Variants in FAM114A1 observed in about 807,000 individuals in gnomAD.
FAM114A1 encodes the protein family with sequence similarity 114 member A1, also known as protein NOXP20.
FAM114A1 carries 62 observed loss-of-function variants against 64.3 expected under a neutral mutation model. That is an observed-to-expected ratio of 0.96 (90% CI 0.79 to 1.19). FAM114A1 has a LOEUF of 1.19. Ranked by LOEUF, FAM114A1 falls within the 50% of genes most tolerant of loss-of-function variation. FAM114A1 has a pLI of 0.00. For synonymous variants in FAM114A1, 254 were observed against 251.1 expected (o/e 1.01, Z -0.11); for missense variants, 645 against 676.3 (o/e 0.95, Z 0.51).
chr4:38,870,146 C>T (rs1713891400), intron 2 of FAM114A1, among the ~76,000 whole-genome samples: 1 of 152,178 alleles, frequency 6.6e-6, no homozygotes, highest in Non-Finnish European at 1.5e-5. Context: ...CAACTCTTTC[C>T]ACCTCAGAAT....
chr4:38,943,857 G>C lies in FAM114A1; in HGVS notation c.*300G>C. On this transcript the variant is annotated 3_prime_UTR_variant, in exon 15 of 15. Coordinates refer to ENST00000358869, the MANE Select transcript of FAM114A1 (RefSeq NM_138389.4). ...ACAAATATTCGTGTTCATTTTCCTGGTTAAGCATGCTATATTTAGAAACTC... is the reference window on the plus strand; with the variant it reads ...ACAAATATTCGTGTTCATTTTCCTGCTTAAGCATGCTATATTTAGAAACTC... 4.0e-6 allele frequency: 1 copy of C among 251,756 alleles called. No individual in the cohort carries two copies. The highest frequency in any genetic ancestry group is 6.5e-5 in the South Asian group (1 of 15,482). 15.6% of individuals were successfully genotyped at this position (251,756 alleles called of 1,614,324 possible).
intron 9 of FAM114A1, among the ~76,000 whole-genome samples, chr4:38,924,797 TA>T (rs1719954205): frequency 6.6e-6 from 1 of 152,152 alleles, no homozygotes; most frequent in Non-Finnish European, 1.5e-5. Context: ...CAGGATGAAC[TA>T]ATAGATGCCC....
chr4:38,927,826 G>A (rs28687368), intron 9 of FAM114A1, among the ~76,000 whole-genome samples: 2,944 of 152,256 alleles, frequency 0.019, 90 homozygotes, highest in African/African-American at 0.068. Context: ...TGGGATTACA[G>A]GCGCCCGCCT....
chr4:38,887,404 A>G (rs534606377), intron 3 of FAM114A1, among the ~76,000 whole-genome samples: 2 of 152,354 alleles, frequency 1.3e-5, no homozygotes, highest in East Asian at 1.9e-4. Context: ...AACTGCATTT[A>G]TAATATATTC....
intron 7 of FAM114A1, among the ~76,000 whole-genome samples, chr4:38,912,708 A>G (rs1051027684): frequency 6.6e-6 from 1 of 152,120 alleles, no homozygotes; most frequent in African/African-American, 2.4e-5. Flanking sequence ...GTGAGTCCAC[A>G]TCTTTCCAGA....
At chr4:38,906,149 C>G (rs971572506) in intron 6 of FAM114A1, among the ~76,000 whole-genome samples, 3 of 152,158 alleles carry the variant, frequency 2.0e-5, no homozygotes, top group African/African-American at 7.2e-5. Flanking sequence ...CAAGGACAGC[C>G]TCTGGTTGAG....
chr4:38,890,607 C>A (rs952164711), intron 3 of FAM114A1, among the ~76,000 whole-genome samples: 7 of 152,012 alleles, frequency 4.6e-5, no homozygotes, highest in Non-Finnish European at 1.0e-4. Context: ...ATACAGGTAA[C>A]TCATAGAATA....
chr4:38,887,540 A>C (rs866420489), intron 3 of FAM114A1, among the ~76,000 whole-genome samples: 5 of 152,240 alleles, frequency 3.3e-5, no homozygotes, highest in Admixed American at 6.5e-5. Context: ...ATGTGCGGAA[A>C]CTTGGGATGA....
At chr4:38,892,404 A>G (rs1010109423) in intron 4 of FAM114A1, among the ~76,000 whole-genome samples, 4 of 152,210 alleles carry the variant, frequency 2.6e-5, no homozygotes, top group African/African-American at 9.6e-5. Flanking sequence ...CTGCCAGTAC[A>G]TTATTTATTT....
intron 3 of FAM114A1, among the ~76,000 whole-genome samples, chr4:38,890,597 A>G (rs1486053170): frequency 1.3e-5 from 2 of 151,938 alleles, no homozygotes; most frequent in Non-Finnish European, 2.9e-5. Context: ...ATGATTCTCC[A>G]TACAGGTAAC....
At chr4:38,933,464 C>T (rs570843313) in intron 12 of FAM114A1, among the ~76,000 whole-genome samples, 31 of 152,288 alleles carry the variant, frequency 2.0e-4, no homozygotes, top group African/African-American at 5.5e-4. Flanking sequence ...CCAGTGATGA[C>T]GGTCACTAAT....
At chr4:38,931,944 C>T (rs1330349654) in intron 11 of FAM114A1, among the ~76,000 whole-genome samples, 1 of 152,170 alleles carries the variant, frequency 6.6e-6, no homozygotes, top group African/African-American at 2.4e-5. Flanking sequence ...TCTGTTCATT[C>T]AGCCGGCCTT....
chr4:38,898,927 A>G (rs1717217258), intron 4 of FAM114A1, among the ~76,000 whole-genome samples: 1 of 147,820 alleles, frequency 6.8e-6, no homozygotes, highest in Non-Finnish European at 1.5e-5. Flanking sequence ...TATATGTTAT[A>G]TATATGTTAT....
At chr4:38,917,328 ACT>A (rs1314383464) in intron 8 of FAM114A1, among the ~76,000 whole-genome samples, 3 of 149,806 alleles carry the variant, frequency 2.0e-5, no homozygotes, top group East Asian at 2.0e-4. Flanking sequence ...ACAGAGCAAG[ACT>A]CTGTCTCAAA....
chr4:38,868,460 T>G lies in FAM114A1; in HGVS notation c.-95T>G, dbSNP rs1713683928. ...CACTCTAAGCAGGCACCGCCTCCAC[T>G]CGCAGCCCCCGGGATGGGTCCCACT... On this transcript the variant is annotated 5_prime_UTR_variant, in exon 2 of 15. Transcript: ENST00000358869. 1 of 152,498 alleles carries G rather than the reference T, an allele frequency of 6.6e-6. No homozygotes were observed. The highest frequency in any genetic ancestry group is 1.5e-5 in the Non-Finnish European group (1 of 68,342). The allele number at this position is 152,498 out of a possible 1,614,324, so 9.4% of individuals were successfully genotyped here.
intron 7 of FAM114A1, among the ~76,000 whole-genome samples, chr4:38,913,686 G>C (rs1579363706): frequency 6.6e-6 from 1 of 152,082 alleles, no homozygotes; most frequent in Admixed American, 6.5e-5. Flanking sequence ...CACCGTGCCT[G>C]GCCCTAAGTT....
intron 13 of FAM114A1, among the ~76,000 whole-genome samples, chr4:38,937,436 C>A (rs764109252): frequency 3.3e-5 from 5 of 152,164 alleles, no homozygotes; most frequent in Non-Finnish European, 7.3e-5. Context: ...TCCCTCCATG[C>A]ATGTCTGTGT....
chr4:38,914,815 C>A, intron 7 of FAM114A1, 106 bp from the exon 8 acceptor site: 1 of 1,258,330 alleles, frequency 7.9e-7, no homozygotes. Flanking sequence ...CCAGAATCTC[C>A]CCCTCTCCAA....
intron 10 of FAM114A1, among the ~76,000 whole-genome samples, chr4:38,930,544 C>A (rs7666822): frequency 0.14 from 21,973 of 152,092 alleles, 1,850 homozygotes; most frequent in Admixed American, 0.21. Flanking sequence ...AGGGTTAAAT[C>A]TTTGTCTGTA....
Sources: allele counts gnomAD v4.1 joint callset (sites outside exome capture counted in the v4.1 genomes callset), GRCh38; gene constraint gnomAD v4.1.1; transcripts MANE v1.5; gene names NCBI Gene and HGNC (gene_info 2026-07-23, HGNC 2026-07-21).